KLRG1: variants seen among roughly 807,000 people sequenced by gnomAD.
KLRG1 encodes killer cell lectin like receptor G1.
Under a neutral mutation model 21.8 loss-of-function variants are expected in KLRG1, and 16 were observed. The ratio of observed to expected loss-of-function variants is 0.73; its 90% CI spans 0.50 to 1.11. KLRG1 has a LOEUF of 1.11. KLRG1 is among the 50% of genes most tolerant of loss of function. The pLI, the probability that KLRG1 is intolerant of heterozygous loss-of-function variation, is 0.00. For synonymous variants in KLRG1, 69 were observed against 75.9 expected, an observed-to-expected ratio of 0.91 and a Z score of 0.47; for missense variants, 173 against 218.3, an observed-to-expected ratio of 0.79 and a Z score of 1.31.
chr12:8,998,596 A>G (rs1350258504), intron 3 of KLRG1, among the ~76,000 whole-genome samples: 1 of 151,302 alleles, frequency 6.6e-6, no homozygotes, highest in East Asian at 2.0e-4. Context: ...GGCTGAGGTG[A>G]GAGAATCCCC....
the KLRG1 span, chr12:9,101,449 G>C: frequency 6.2e-7 from 1 of 1,610,658 alleles, no homozygotes; most frequent in South Asian, 1.1e-5. Context: ...CTTCTCACCA[G>C]ATAATAGAAG....
At chr12:9,055,897 G>T in the KLRG1 span, among the ~76,000 whole-genome samples, 1 of 152,162 alleles carries the variant, frequency 6.6e-6, no homozygotes, top group Non-Finnish European at 1.5e-5. Context: ...TAATCACAGG[G>T]TAATTTCATT....
the KLRG1 span, among the ~76,000 whole-genome samples, chr12:9,156,572 G>C: frequency 3.3e-5 from 5 of 152,212 alleles, no homozygotes; most frequent in African/African-American, 1.2e-4. Context: ...TTTCATTCAA[G>C]TAAGTAGAGA....
chr12:9,082,858 T>C, the KLRG1 span, among the ~76,000 whole-genome samples: 1 of 152,210 alleles, frequency 6.6e-6, no homozygotes, highest in Non-Finnish European at 1.5e-5. Flanking sequence ...GAAACGATTG[T>C]GAATAGTGCC....
the KLRG1 span, among the ~76,000 whole-genome samples, chr12:9,053,926 C>T: frequency 6.6e-6 from 1 of 152,192 alleles, no homozygotes; most frequent in Non-Finnish European, 1.5e-5. Context: ...ATTCATTCTC[C>T]TTACCCCAGC....
chr12:9,176,101 A>T, the KLRG1 span, among the ~76,000 whole-genome samples: 1 of 152,248 alleles, frequency 6.6e-6, no homozygotes, highest in Non-Finnish European at 1.5e-5. Flanking sequence ...AATGTGGTAC[A>T]TATACACAAT....
the KLRG1 span, among the ~76,000 whole-genome samples, chr12:9,134,895 T>C: frequency 6.6e-6 from 1 of 152,210 alleles, no homozygotes; most frequent in East Asian, 1.9e-4. Context: ...TGCCTCTTCC[T>C]GTCTAGAAAA....
At chr12:9,034,990 T>C in the KLRG1 span, among the ~76,000 whole-genome samples, 1 of 152,028 alleles carries the variant, frequency 6.6e-6, no homozygotes, top group South Asian at 2.1e-4. Context: ...CTAATGTATG[T>C]TTTTGTGTCT....
chr12:9,052,937 A>ATT, the KLRG1 span: 1 of 411,030 alleles, frequency 2.4e-6, no homozygotes, highest in East Asian at 7.2e-5. Flanking sequence ...GTGCTTCTAC[A>ATT]TTTTTTTAAT....
the KLRG1 span, among the ~76,000 whole-genome samples, chr12:9,056,230 C>A: frequency 2.6e-5 from 4 of 152,218 alleles, 1 homozygote; most frequent in South Asian, 6.2e-4. Flanking sequence ...TTAAGGACTG[C>A]AAACCATACT....
the KLRG1 span, among the ~76,000 whole-genome samples, chr12:9,033,630 G>C: frequency 6.6e-6 from 1 of 152,194 alleles, no homozygotes; most frequent in African/African-American, 2.4e-5. Context: ...GAATAAAAAA[G>C]TGTTTGGAAG....
At chr12:9,169,024 T>G in the KLRG1 span, 1 of 1,330,690 alleles carries the variant, frequency 7.5e-7, no homozygotes, top group East Asian at 2.3e-5. Flanking sequence ...TTAGAATATA[T>G]AAAACATATT....
At chr12:9,193,620 A>C in the KLRG1 span, among the ~76,000 whole-genome samples, 1 of 152,220 alleles carries the variant, frequency 6.6e-6, no homozygotes, top group Admixed American at 6.5e-5. Context: ...ACTGAAATCC[A>C]TAAATTATAG....
At chr12:9,101,301 C>T in the KLRG1 span, 6 of 1,378,844 alleles carry the variant, frequency 4.4e-6, no homozygotes, top group Non-Finnish European at 6.1e-6. Context: ...TCCCTGCCGG[C>T]AATAATTCAC....
intron 1 of KLRG1, among the ~76,000 whole-genome samples, chr12:8,983,163 T>C (rs749208323): frequency 6.6e-6 from 1 of 152,248 alleles, no homozygotes; most frequent in South Asian, 2.1e-4. Context: ...ATTCTTTATA[T>C]GTACTTATAT....
the KLRG1 span, among the ~76,000 whole-genome samples, chr12:9,041,111 G>A: frequency 6.6e-6 from 1 of 152,166 alleles, no homozygotes; most frequent in East Asian, 1.9e-4. Context: ...TGAGGCGGGT[G>A]GATCACCTGA....
chr12:9,052,780 T>C, the KLRG1 span: 1 of 426,608 alleles, frequency 2.3e-6, no homozygotes, highest in Non-Finnish European at 4.6e-6. Context: ...GTTTTTCATT[T>C]AAAAATGGGA....
intron 2 of KLRG1, among the ~76,000 whole-genome samples, chr12:8,992,886 C>T (rs918857787): frequency 1.3e-5 from 2 of 151,912 alleles, no homozygotes; most frequent in Non-Finnish European, 2.9e-5. Context: ...ATTTCTCCCA[C>T]CTTTCTTTCT....
At chr12:9,192,679 C>G in the KLRG1 span, 3 of 1,613,946 alleles carry the variant, frequency 1.9e-6, no homozygotes, top group Non-Finnish European at 2.5e-6. Flanking sequence ...TGCTGAGCAC[C>G]CTGGTGGTCT....
Sources: gnomAD v4.1 joint callset for allele counts (sites outside exome capture counted in the v4.1 genomes callset) on GRCh38, gnomAD v4.1.1 for gene constraint, MANE v1.5 for transcripts, NCBI Gene and HGNC (gene_info 2026-07-23, HGNC 2026-07-21) for gene names.